MAPK10: variants seen among roughly 807,000 people sequenced by gnomAD.
MAPK10 encodes JNK3 alpha protein kinase.
In MAPK10, 25 loss-of-function variants were observed where a neutral mutation model predicts 59.3. The observed-to-expected ratio is 0.42, with a 90% CI of 0.31 to 0.59. The LOEUF (loss-of-function observed/expected upper bound fraction) is 0.59. Among genes scored for constraint, MAPK10 ranks in the 20% least tolerant of loss-of-function variants. The pLI, the probability that MAPK10 is intolerant of heterozygous loss-of-function variation, is 0.15. For missense variants in MAPK10, 351 were observed against 568.9 expected (o/e 0.62, Z 3.90); for synonymous variants, 190 against 200.5 (o/e 0.95, Z 0.44).
chr4:86,017,482 T>C lies in MAPK10; in HGVS notation c.1253-112A>G, dbSNP rs780587776. The C allele has an allele frequency of 1.4e-5, 17 of 1,197,246 alleles. No homozygotes were observed. In the East Asian group the frequency reaches 3.8e-4, roughly 27 times the overall value. 74.2% of individuals were successfully genotyped at this position (1,197,246 alleles called of 1,614,324 possible). A position where few individuals can be genotyped will look rare whatever the true frequency, so the allele number is the denominator to read the frequency against. On this transcript the variant is annotated intron_variant, in intron 13 of 13. Coordinates refer to ENST00000641462, the MANE Select transcript of MAPK10 (RefSeq NM_138982.4). The surrounding 1 kb of genome is among the most constrained non-coding windows in gnomAD (Gnocchi z 4.4). ...CAATAGGGGATGTCCAGTCCATCAA[T>C]CATTTGGCAAGCCTTTATAGAGCAG...
chr4:86,168,174 C>T (rs746846503), intron 3 of MAPK10, among the ~76,000 whole-genome samples: 2 of 152,182 alleles, frequency 1.3e-5, no homozygotes, highest in East Asian at 1.9e-4. Flanking sequence ...TCTGAGGTAC[C>T]GGGTTCATCT....
At chr4:86,591,567 T>C (rs1478616714) in intron 1 of MAPK10, among the ~76,000 whole-genome samples, 1 of 152,026 alleles carries the variant, frequency 6.6e-6, no homozygotes, top group Non-Finnish European at 1.5e-5. Flanking sequence ...AGAGAAAGGG[T>C]TTCACCATGT....
chr4:86,528,330 C>T (rs1303594731), intron 1 of MAPK10, among the ~76,000 whole-genome samples: 2 of 151,468 alleles, frequency 1.3e-5, no homozygotes, highest in African/African-American at 4.9e-5. Flanking sequence ...TAAAGCAATT[C>T]CATGATATTT....
intron 11 of MAPK10, among the ~76,000 whole-genome samples, chr4:86,038,386 T>C (rs2040786495): frequency 6.6e-6 from 1 of 152,252 alleles, no homozygotes; most frequent in African/African-American, 2.4e-5. Flanking sequence ...TTTTTTCTTA[T>C]TAAGCTTGGC....
At chr4:86,449,561 T>C (rs1290104686) in intron 1 of MAPK10, among the ~76,000 whole-genome samples, 1 of 152,234 alleles carries the variant, frequency 6.6e-6, no homozygotes, top group East Asian at 1.9e-4. Flanking sequence ...TGATATGGTT[T>C]TGGGTATACT....
chr4:86,198,988 T>A (rs190506221), intron 2 of MAPK10, among the ~76,000 whole-genome samples: 81 of 152,126 alleles, frequency 5.3e-4, no homozygotes, highest in Non-Finnish European at 1.0e-3. Flanking sequence ...ATTGGGATAC[T>A]ATTTTATATC....
chr4:86,135,595 A>G (rs1043494644), intron 4 of MAPK10, among the ~76,000 whole-genome samples: 1 of 152,214 alleles, frequency 6.6e-6, no homozygotes, highest in African/African-American at 2.4e-5. Flanking sequence ...GAAAAAACAG[A>G]ACAGAAAAAC....
rs2093757776 is a variant in MAPK10, at chr4:86,256,891, C to T, written c.-6-62484G>A. Among the ~76,000 whole-genome samples the T allele has an allele frequency of 5.4e-5, 4 of 73,484 alleles. No individual in the cohort carries two copies. The South Asian group carries it at 1.4e-3, about 25-fold the overall frequency. The allele number at this position is 73,484 out of a possible 152,430, so 48.2% of individuals were successfully genotyped here. ...GAGTAGCTGGGACTACAGGCGCCCG[C>T]CATTGCGCCCGCCATTGCGCCCGTC... On this transcript the variant is annotated intron_variant, in intron 2 of 13. Coordinates refer to ENST00000641462, the MANE Select transcript of MAPK10 (RefSeq NM_138982.4).
intron 1 of MAPK10, among the ~76,000 whole-genome samples, chr4:86,509,586 G>A (rs564717236): frequency 7.9e-5 from 12 of 152,162 alleles, no homozygotes; most frequent in African/African-American, 2.9e-4. Flanking sequence ...GCAACTTGGA[G>A]ATTTTGACTT....
At chr4:86,123,473 A>G (rs979520321) in intron 4 of MAPK10, among the ~76,000 whole-genome samples, 3 of 152,028 alleles carry the variant, frequency 2.0e-5, no homozygotes, top group African/African-American at 4.8e-5. Context: ...GGAACTGCAT[A>G]CTGTTTTCCA....
chr4:86,454,453 TTA>T (rs1260999272), upstream of MAPK10, among the ~76,000 whole-genome samples: 2 of 151,898 alleles, frequency 1.3e-5, no homozygotes, highest in Non-Finnish European at 2.9e-5. Flanking sequence ...ATGGACACAC[TTA>T]TAGAAATGCA....
intron 9 of MAPK10, among the ~76,000 whole-genome samples, chr4:86,097,460 T>C (rs1561642895): frequency 6.6e-6 from 1 of 151,994 alleles, no homozygotes; most frequent in Non-Finnish European, 1.5e-5. Flanking sequence ...TCTTACATAA[T>C]AGAAGGATTC....
intron 1 of MAPK10, among the ~76,000 whole-genome samples, chr4:86,564,405 T>A (rs1323031159): frequency 6.6e-6 from 1 of 152,222 alleles, no homozygotes; most frequent in East Asian, 1.9e-4. Context: ...AGTACAGAAG[T>A]TGCCTCTCCA....
At chr4:86,086,558 TA>T (rs1183963701) in intron 9 of MAPK10, among the ~76,000 whole-genome samples, 1 of 152,026 alleles carries the variant, frequency 6.6e-6, no homozygotes, top group Non-Finnish European at 1.5e-5. Flanking sequence ...AATTAAAAAT[TA>T]AAAAAAGTCA....
chr4:86,361,315 G>C (rs557019111), upstream of MAPK10, among the ~76,000 whole-genome samples: 16 of 152,224 alleles, frequency 1.1e-4, no homozygotes, highest in East Asian at 3.1e-3. Flanking sequence ...ATAAGTGTTT[G>C]GATGTCCCTT....
chr4:86,399,915 C>T (rs1028644754), intron 1 of MAPK10: 23 of 152,090 alleles, frequency 1.5e-4, no homozygotes, highest in African/African-American at 5.3e-4. Flanking sequence ...TTTAAGTTTT[C>T]TATAATAGAC....
intron 4 of MAPK10, among the ~76,000 whole-genome samples, chr4:86,157,141 G>A (rs1242167959): frequency 1.3e-5 from 2 of 151,878 alleles, no homozygotes; most frequent in African/African-American, 2.4e-5. Context: ...ATGCTGATAA[G>A]TAAGAAATAA....
intron 1 of MAPK10, among the ~76,000 whole-genome samples, chr4:86,546,499 G>C (rs914667153): frequency 6.6e-6 from 1 of 151,292 alleles, no homozygotes; most frequent in African/African-American, 2.4e-5. Context: ...GGAGGTTGCA[G>C]TGAGACGAGA....
At chr4:86,165,300 C>G (rs2071246276) in intron 3 of MAPK10, among the ~76,000 whole-genome samples, 1 of 152,118 alleles carries the variant, frequency 6.6e-6, no homozygotes, top group Non-Finnish European at 1.5e-5. Flanking sequence ...AAAATAATGC[C>G]TGATGTTCTG....
Sources: gnomAD v4.1 joint callset for allele counts (sites outside exome capture counted in the v4.1 genomes callset) on GRCh38, gnomAD v4.1.1 for gene constraint, Gnocchi (gnomAD v3.1) non-coding constraint, MANE v1.5 for transcripts, NCBI Gene and HGNC (gene_info 2026-07-23, HGNC 2026-07-21) for gene names.